The following ACBD7 variants were observed in gnomAD, a reference collection of about 807,000 sequenced individuals.
ACBD7 encodes acyl-CoA binding domain containing 7, also known as acyl-CoA-binding domain-containing protein 7.
In ACBD7, 11 loss-of-function variants were observed where a neutral mutation model predicts 13.7. The observed-to-expected ratio is 0.80, with a 90% CI of 0.50 to 1.33. The LOEUF (loss-of-function observed/expected upper bound fraction) is 1.33. ACBD7 is among the 40% of genes most tolerant of loss of function. ACBD7 has a pLI of 0.00. For synonymous variants in ACBD7, 43 were observed against 37.7 expected, an observed-to-expected ratio of 1.14 and a Z score of -0.51; for missense variants, 111 against 103.0, an observed-to-expected ratio of 1.08 and a Z score of -0.33.
intron 1 of ACBD7, among the ~76,000 whole-genome samples, chr10:15,082,291 A>T (rs998987037): frequency 1.3e-4 from 20 of 151,794 alleles, no homozygotes; most frequent in Non-Finnish European, 2.6e-4. Flanking sequence ...CTCAAAAAAA[A>T]AAAAAAAAAA....
chr10:15,078,824 C>G, intron 2 of ACBD7, 71 bp from the exon 3 acceptor site: 3 of 1,487,358 alleles, frequency 2.0e-6, no homozygotes, highest in Non-Finnish European at 2.7e-6. Flanking sequence ...ATTGTTCAAA[C>G]GGAGTATATT....
intron 1 of ACBD7, among the ~76,000 whole-genome samples, chr10:15,085,574 G>T (rs967531247): frequency 6.6e-5 from 10 of 152,208 alleles, no homozygotes; most frequent in African/African-American, 2.4e-4. Flanking sequence ...TGGGCTGGGG[G>T]AAGAGGTTAG....
chr10:15,082,894 T>C (rs1844765741), intron 1 of ACBD7, among the ~76,000 whole-genome samples: 1 of 151,916 alleles, frequency 6.6e-6, no homozygotes, highest in East Asian at 1.9e-4. Flanking sequence ...AAAAATTAGC[T>C]GGGCACGGTG....
At chr10:15,086,953 C>A (rs1037189799) in intron 1 of ACBD7, among the ~76,000 whole-genome samples, 2 of 147,594 alleles carry the variant, frequency 1.4e-5, no homozygotes, top group Non-Finnish European at 3.0e-5. Flanking sequence ...GTGGAGGTTG[C>A]GGTGAGCCAA....
In ACBD7 at chr10:15,076,158, C is replaced by T; in HGVS notation, c.*2372G>A. 5.1e-6 allele frequency: 5 copies of T among 985,082 alleles called. No homozygotes were observed. The highest frequency in any genetic ancestry group is 6.0e-6 in the Non-Finnish European group (5 of 829,828). The allele number at this position is 985,082 out of a possible 1,614,324, so 61.0% of individuals were successfully genotyped here. On this transcript the variant is annotated 3_prime_UTR_variant, in exon 4 of 4. Coordinates refer to ENST00000356189, the MANE Select transcript of ACBD7 (RefSeq NM_001039844.3). The stretch of plus-strand genomic sequence containing the variant: ...ATCTATTCCTCTGGTCATACCATTC[C>T]AAATCTAAATTTTTATGCAGGGAAT...
Position 15,076,646 on chromosome 10 carries a change from G to T in ACBD7, c.*1884C>A. 1.7e-6 allele frequency: 1 copy of T among 601,218 alleles called. No individual in the cohort carries two copies. Among genetic ancestry groups the T allele is most frequent in the South Asian group, 7.4e-5 (1 of 13,464 alleles). 37.2% of individuals were successfully genotyped at this position (601,218 alleles called of 1,614,324 possible). On this transcript the variant is annotated 3_prime_UTR_variant, in exon 4 of 4. Coordinates refer to ENST00000356189, the MANE Select transcript of ACBD7 (RefSeq NM_001039844.3). ...GCCTCCCAAGTAGCTGGAATTACAG[G>T]TGTGCACCACCAATGGCTGGCTAAT...
At chr10:15,086,077 G>A (rs150869788) in intron 1 of ACBD7, among the ~76,000 whole-genome samples, 5,733 of 152,254 alleles carry the variant, frequency 0.038, 113 homozygotes, top group African/African-American at 0.042. Flanking sequence ...GGAGGCTGAG[G>A]CAGGCAGATC....
chr10:15,082,069 C>A (rs190690364), intron 1 of ACBD7, among the ~76,000 whole-genome samples: 153 of 152,168 alleles, frequency 1.0e-3, no homozygotes, highest in Middle Eastern at 6.8e-3. Flanking sequence ...AGGTGGATCA[C>A]CTAAGGTTGG....
rs76311113 is a variant in ACBD7 at position 15,078,824 on chromosome 10, C to T, written c.131-71G>A. The T allele has an allele frequency of 3.1e-3, 4,537 of 1,487,350 alleles. 133 individuals are homozygous for T. In the African/African-American group the frequency reaches 0.058, roughly 19 times the overall value. The allele number at this position is 1,487,350 out of a possible 1,614,324, so 92.1% of individuals were successfully genotyped here. A position where few individuals can be genotyped will look rare whatever the true frequency, so the allele number is the denominator to read the frequency against. On this transcript the variant is annotated intron_variant, in intron 2 of 3. Coordinates refer to ENST00000356189, the MANE Select transcript of ACBD7 (RefSeq NM_001039844.3). ...TGCACTTCTATAGACATTGTTCAAA[C>T]GGAGTATATTACTATATTTTAAGTA...
chr10:15,075,997 A>T lies in ACBD7; in HGVS notation c.*2533T>A. On this transcript the variant is annotated 3_prime_UTR_variant, in exon 4 of 4. Coordinates refer to ENST00000356189, the MANE Select transcript of ACBD7 (RefSeq NM_001039844.3). Reference sequence around the variant, plus strand: ...TCAACAAAAAAAAAAAAAAAAAAAAAGAAAAGAAAAAGAATGTTATATAAA... The same window carrying T: ...TCAACAAAAAAAAAAAAAAAAAAAATGAAAAGAAAAAGAATGTTATATAAA... The T allele has an allele frequency of 1.3e-5, 8 of 609,654 alleles. No homozygotes were observed. Among genetic ancestry groups the T allele is most frequent in the African/African-American group, 2.1e-5 (1 of 48,496 alleles). 37.8% of individuals were successfully genotyped at this position (609,654 alleles called of 1,614,324 possible). A position where few individuals can be genotyped will look rare whatever the true frequency, so the allele number is the denominator to read the frequency against.
Position 15,085,504 on chromosome 10 carries a change from T to A in ACBD7, c.12+3213A>T, listed in dbSNP as rs76675656. Reference sequence around the variant, plus strand: ...AATTCTTTCCCATTGAGCAACCCAATTAAGAAGATAAAAAATTCTCACACT... The same window carrying A: ...AATTCTTTCCCATTGAGCAACCCAAATAAGAAGATAAAAAATTCTCACACT... On this transcript the variant is annotated intron_variant, in intron 1 of 3. Coordinates refer to ENST00000356189, the MANE Select transcript of ACBD7 (RefSeq NM_001039844.3). 9.6e-3 allele frequency among the ~76,000 whole-genome samples: 1,463 copies of A among 152,300 alleles called. 18 individuals are homozygous for A. Among genetic ancestry groups the A allele is most frequent in the Non-Finnish European group, 0.013 (895 of 68,022 alleles).
Position 15,075,766 on chromosome 10 carries a change from G to C in ACBD7, c.*2764C>G, listed in dbSNP as rs562131816. Among the ~76,000 whole-genome samples the C allele has an allele frequency of 6.6e-5, 10 of 152,074 alleles. No individual in the cohort carries two copies. The highest frequency in any genetic ancestry group is 1.3e-4 in the Admixed American group (2 of 15,258). On this transcript the variant is annotated 3_prime_UTR_variant, in exon 4 of 4. Coordinates refer to ENST00000356189, the MANE Select transcript of ACBD7 (RefSeq NM_001039844.3). ...AGGTGGGTAGATCACCTCAGATCAG[G>C]AGTTCCAGACCAGCCTGGGCAACAT... is the stretch of plus-strand genomic sequence containing the variant.
In ACBD7 at chr10:15,075,939, G is replaced by T; in HGVS notation, c.*2591C>A. 3.6e-6 allele frequency: 1 copy of T among 275,134 alleles called. No individual in the cohort carries two copies. The highest frequency in any genetic ancestry group is 5.3e-6 in the Non-Finnish European group (1 of 187,140). 17.0% of individuals were successfully genotyped at this position (275,134 alleles called of 1,614,324 possible). A position where few individuals can be genotyped will look rare whatever the true frequency, so the allele number is the denominator to read the frequency against. ...CAGTGAGCCGAGAGCGTGCCACTGC[G>T]CTCCAGCCTGGGTAACAGAGTGACA... is the stretch of plus-strand genomic sequence containing the variant. On this transcript the variant is annotated 3_prime_UTR_variant, in exon 4 of 4. Coordinates refer to ENST00000356189, the MANE Select transcript of ACBD7 (RefSeq NM_001039844.3).
chr10:15,080,115 G>A (rs181556897), intron 1 of ACBD7, among the ~76,000 whole-genome samples: 1 of 151,984 alleles, frequency 6.6e-6, no homozygotes, highest in Non-Finnish European at 1.5e-5. Context: ...TCCTGATTTG[G>A]CTGAATTGCT....
At chr10:15,087,452 A>C (rs2131400163) in intron 1 of ACBD7, among the ~76,000 whole-genome samples, 1 of 152,310 alleles carries the variant, frequency 6.6e-6, no homozygotes, top group East Asian at 1.9e-4. Context: ...GAAGTGAGCC[A>C]CGTTCTATGA....
In ACBD7 at chr10:15,078,002, T is replaced by C. The variant is rs2131391718; in HGVS notation, c.*528A>G. The C allele has an allele frequency of 6.5e-6, 1 of 152,710 alleles. No homozygotes were observed. Among genetic ancestry groups the C allele is most frequent in the East Asian group, 1.9e-4 (1 of 5,194 alleles). The allele number at this position is 152,710 out of a possible 1,614,324, so 9.5% of individuals were successfully genotyped here. On this transcript the variant is annotated 3_prime_UTR_variant, in exon 4 of 4. Transcript: ENST00000356189. ...GATACATATGCAGAACGTGCAGTTTTGTTACATAGGTATACATGTGCCATG... is the reference window on the plus strand; with the variant it reads ...GATACATATGCAGAACGTGCAGTTTCGTTACATAGGTATACATGTGCCATG...
In ACBD7 at chr10:15,075,879, T is replaced by G. The variant is rs1158808155; in HGVS notation, c.*2651A>C. On this transcript the variant is annotated 3_prime_UTR_variant, in exon 4 of 4. Transcript: ENST00000356189. ...GTCCCAGCTACTCTGGAGGCTGAGA[T>G]GGGAGGATTGCTTGACCCTGGGAGG... is the stretch of plus-strand genomic sequence containing the variant. Among the ~76,000 whole-genome samples the G allele has an allele frequency of 2.1e-5, 3 of 145,096 alleles. No individual in the cohort carries two copies. Among genetic ancestry groups the G allele is most frequent in the African/African-American group, 7.7e-5 (3 of 38,818 alleles).
chr10:15,088,439 G>A, intron 1 of ACBD7: 3 of 514,070 alleles, frequency 5.8e-6, no homozygotes, highest in Non-Finnish European at 3.4e-6. Flanking sequence ...GAGACGGAGA[G>A]GAGGAGGCCC....
chr10:15,084,215 A>T (rs532434098), intron 1 of ACBD7, among the ~76,000 whole-genome samples: 151 of 151,676 alleles, frequency 1.0e-3, no homozygotes, highest in Middle Eastern at 3.4e-3. Flanking sequence ...CAATAAATAA[A>T]CAATCAATCA....
Sources: gnomAD v4.1 joint callset for allele counts (sites outside exome capture counted in the v4.1 genomes callset) on GRCh38, gnomAD v4.1.1 for gene constraint, MANE v1.5 for transcripts, NCBI Gene and HGNC (gene_info 2026-07-23, HGNC 2026-07-21) for gene names.